Variants in ST14 observed in about 807,000 individuals in gnomAD.
The protein encoded by ST14 is ST14 transmembrane serine protease matriptase.
Under a neutral mutation model 96.5 loss-of-function variants are expected in ST14, and 40 were observed. The observed-to-expected ratio is 0.41, with a 90% CI of 0.32 to 0.54. The LOEUF (loss-of-function observed/expected upper bound fraction) is 0.54. ST14 is among the 20% of genes least tolerant of loss of function. ST14 has a pLI of 0.17. For missense variants in ST14, 1,066 were observed against 1,188.9 expected (o/e 0.90, Z 1.52); for synonymous variants, 506 against 492.1 (o/e 1.03, Z -0.37).
intron 7 of ST14, among the ~76,000 whole-genome samples, chr11:130,191,637 C>T (rs904378154): frequency 5.4e-5 from 8 of 147,956 alleles, no homozygotes; most frequent in Non-Finnish European, 7.4e-5. Context: ...TTGCAGTGAG[C>T]CGAGATCGTA....
rs1422127519 is a variant in ST14 at position 130,189,887 on chromosome 11, G to A, written c.589G>A (p.Val197Met). 1 of 1,613,582 alleles carries A rather than the reference G, an allele frequency of 6.2e-7. No homozygotes were observed. Among genetic ancestry groups the A allele is most frequent in the East Asian group, 2.2e-5 (1 of 44,868 alleles). Residue 197 changes from valine to methionine, a missense_variant, in exon 5 of 19, where the codon GTG becomes ATG. Physicochemically the swap from Val to Met is conservative, Grantham distance 21. Transcript: ENST00000278742. ...SLKSFVVTSV[V>M]AFPTDSKTVQ... is the part of the protein sequence containing the mutation. The stretch of plus-strand genomic sequence containing the variant: ...GAAGTCCTTTGTGGTCACCTCAGTG[G>A]TGGCTTTCCGTGAGTCCGAGGGCCA...
chr11:130,189,670 A>C, intron 4 of ST14, 69 bp from the exon 5 acceptor site: 1 of 1,592,816 alleles, frequency 6.3e-7, no homozygotes, highest in Non-Finnish European at 8.5e-7. Context: ...TGTGTCCTGG[A>C]GTCGCTCTGG....
chr11:130,176,684 G>A (rs1275297710), intron 1 of ST14, among the ~76,000 whole-genome samples: 5 of 151,224 alleles, frequency 3.3e-5, no homozygotes, highest in Admixed American at 6.6e-5. Context: ...CACCGCACCC[G>A]ACCTACTTTT....
At chr11:130,198,815 G>A in intron 14 of ST14, 132 bp from the exon 15 acceptor site, 2 of 1,578,844 alleles carry the variant, frequency 1.3e-6, no homozygotes, top group Admixed American at 1.7e-5. Context: ...AGGGAGGCCA[G>A]TGGGCGTGGG....
At chr11:130,198,900 A>T (rs751033534) in intron 14 of ST14, 47 bp from the exon 15 acceptor site, 4 of 1,612,592 alleles carry the variant, frequency 2.5e-6, no homozygotes, top group South Asian at 1.1e-5. Context: ...TTCTGGTCGG[A>T]TGCTGCAGAG....
intron 16 of ST14, among the ~76,000 whole-genome samples, chr11:130,200,658 C>T (rs1306074944): frequency 1.3e-5 from 2 of 152,188 alleles, no homozygotes; most frequent in Admixed American, 1.3e-4. Flanking sequence ...AGCAGATATC[C>T]CAGGACGGGG....
intron 4 of ST14, 161 bp from the exon 5 acceptor site, chr11:130,189,578 G>A (rs1953272196): frequency 1.1e-6 from 1 of 890,516 alleles, no homozygotes; most frequent in African/African-American, 1.7e-5. Flanking sequence ...CTCTTGCTTT[G>A]GGGTGGAAAG....
At chr11:130,197,728 C>A (rs1953382110) in intron 11 of ST14, 113 bp from the exon 12 acceptor site, 2 of 899,712 alleles carry the variant, frequency 2.2e-6, no homozygotes, top group African/African-American at 3.3e-5. Context: ...GCCACAGCAC[C>A]TGCCCTGCTC....
At chr11:130,165,241 G>A (rs1350698561) in intron 1 of ST14, among the ~76,000 whole-genome samples, 1 of 152,210 alleles carries the variant, frequency 6.6e-6, no homozygotes, top group African/African-American at 2.4e-5. Context: ...AATACTAAAG[G>A]TTGACAATTC....
intron 7 of ST14, among the ~76,000 whole-genome samples, chr11:130,192,419 C>T (rs906363177): frequency 2.6e-5 from 4 of 152,206 alleles, no homozygotes; most frequent in African/African-American, 4.8e-5. Flanking sequence ...GATGGAATCT[C>T]GCTCTGTCGC....
chr11:130,209,973 C>T lies in ST14; in HGVS notation c.*150C>T. Reference sequence around the variant, plus strand: ...TCAATCTCCAGGGCTCCAAATCTGCCTAGAAAACCTCTCGCTTCCTCAGCC... The same window carrying T: ...TCAATCTCCAGGGCTCCAAATCTGCTTAGAAAACCTCTCGCTTCCTCAGCC... On this transcript the variant is annotated 3_prime_UTR_variant, in exon 19 of 19. Coordinates refer to ENST00000278742, the MANE Select transcript of ST14 (RefSeq NM_021978.4). 1 of 979,196 alleles carries T rather than the reference C, an allele frequency of 1.0e-6. No homozygotes were observed. Among genetic ancestry groups the T allele is most frequent in the Non-Finnish European group, 1.5e-6 (1 of 675,934 alleles). 60.7% of individuals were successfully genotyped at this position (979,196 alleles called of 1,614,324 possible).
At chr11:130,196,726 G>A in intron 11 of ST14, 26 bp downstream of exon 11, 1 of 1,614,198 alleles carries the variant, frequency 6.2e-7, no homozygotes, top group South Asian at 1.1e-5. Flanking sequence ...TGGGAGGAGG[G>A]CTGGCGGGGG....
chr11:130,164,056 T>C (rs978095443), intron 1 of ST14, among the ~76,000 whole-genome samples: 3 of 152,228 alleles, frequency 2.0e-5, no homozygotes, highest in Non-Finnish European at 4.4e-5. Context: ...CCCTGATGTC[T>C]GCTCCTTCTC....
At position 130,210,118 on chromosome 11, in the gene ST14, T is replaced by G. The variant is rs1358895754; in HGVS notation, c.*295T>G. ...GCCCCAAGCTGGGCCGAGGCGCGTT[T>G]GTGCATATCTGCCTCCCCTGTCTCT... On this transcript the variant is annotated 3_prime_UTR_variant, in exon 19 of 19. Transcript: ENST00000278742. 6 of 416,448 alleles carry G rather than the reference T, an allele frequency of 1.4e-5. No homozygotes were observed. Among genetic ancestry groups the G allele is most frequent in the Non-Finnish European group, 2.2e-5 (5 of 226,738 alleles). 25.8% of individuals were successfully genotyped at this position (416,448 alleles called of 1,614,324 possible). A position where few individuals can be genotyped will look rare whatever the true frequency, so the allele number is the denominator to read the frequency against.
In ST14 at chr11:130,160,000, C is replaced by G. The variant is rs372702262; in HGVS notation, c.21C>G (p.Arg7=). ...GGACCATGGGGAGCGATCGGGCCCG[C>G]AAGGGCGGAGGGGGCCCGAAGGACT... MGSDRA[R]KGGGGPKDFG... is the part of the protein sequence containing the mutation. Residue 7 remains arginine (R), a synonymous_variant, in exon 1 of 19, where the codon CGC becomes CGG. Transcript: ENST00000278742. The G allele has an allele frequency of 7.1e-7, 1 of 1,414,392 alleles. No individual in the cohort carries two copies. Among genetic ancestry groups the G allele is most frequent in the East Asian group, 3.1e-5 (1 of 32,314 alleles). The allele number at this position is 1,414,392 out of a possible 1,614,324, so 87.6% of individuals were successfully genotyped here. A position where few individuals can be genotyped will look rare whatever the true frequency, so the allele number is the denominator to read the frequency against.
chr11:130,208,052 T>C (rs1192598116), intron 16 of ST14, among the ~76,000 whole-genome samples: 1 of 151,988 alleles, frequency 6.6e-6, no homozygotes, highest in Admixed American at 6.6e-5. Context: ...CCAGTCTGGG[T>C]GACAGAGCGA....
At chr11:130,176,637 CT>C (rs981733978) in intron 1 of ST14, among the ~76,000 whole-genome samples, 2 of 152,066 alleles carry the variant, frequency 1.3e-5, no homozygotes, top group African/African-American at 4.8e-5. Flanking sequence ...ATCCGCCTGC[CT>C]CGGCCTCCCA....
chr11:130,185,136 G>A (rs975697751), intron 1 of ST14, among the ~76,000 whole-genome samples: 4 of 152,056 alleles, frequency 2.6e-5, no homozygotes, highest in Non-Finnish European at 4.4e-5. Flanking sequence ...ACAGAGAAAA[G>A]ATACTCAATG....
intron 16 of ST14, among the ~76,000 whole-genome samples, chr11:130,202,759 C>T (rs948381646): frequency 2.0e-5 from 3 of 152,198 alleles, no homozygotes; most frequent in African/African-American, 7.2e-5. Flanking sequence ...TGGTCTACAG[C>T]GTGTTAGCTA....
Sources: gnomAD v4.1 joint callset for allele counts (sites outside exome capture counted in the v4.1 genomes callset) on GRCh38, gnomAD v4.1.1 for gene constraint, MANE v1.5 for transcripts, NCBI Gene and HGNC (gene_info 2026-07-23, HGNC 2026-07-21) for gene names.